Variants in MACROD2 observed in about 807,000 individuals in gnomAD.
MACROD2 encodes ADP-ribose glycohydrolase MACROD2.
MACROD2 carries 36 observed loss-of-function variants against 70.4 expected under a neutral mutation model. The ratio of observed to expected loss-of-function variants is 0.51; its 90% CI spans 0.39 to 0.68. The LOEUF is 0.68. Among genes scored for constraint, MACROD2 ranks in the 30% least tolerant of loss-of-function variants. MACROD2 has a pLI of 0.00. For missense variants in MACROD2, 496 were observed against 538.4 expected, an observed-to-expected ratio of 0.92 and a Z score of 0.78; for synonymous variants, 172 against 178.8, an observed-to-expected ratio of 0.96 and a Z score of 0.30.
At chr20:15,950,876 G>A (rs566931273) in intron 12 of MACROD2, among the ~76,000 whole-genome samples, 1 of 152,152 alleles carries the variant, frequency 6.6e-6, no homozygotes, top group African/African-American at 2.4e-5. Context: ...GGAGATGGAA[G>A]TATGGGGCGT....
chr20:15,383,395 C>G (rs1316860786), intron 6 of MACROD2, among the ~76,000 whole-genome samples: 1 of 152,166 alleles, frequency 6.6e-6, no homozygotes, highest in African/African-American at 2.4e-5. Context: ...GTTGAAGTTG[C>G]ATGACTCAAG....
chr20:15,913,961 C>G (rs6105489), intron 10 of MACROD2, among the ~76,000 whole-genome samples: 1 of 152,256 alleles, frequency 6.6e-6, no homozygotes, highest in Admixed American at 6.5e-5. Context: ...ATCATTTCTC[C>G]TAAGTGAAAT....
intron 7 of MACROD2, among the ~76,000 whole-genome samples, chr20:15,476,137 C>A (rs1198957811): frequency 6.6e-6 from 1 of 152,112 alleles, no homozygotes; most frequent in Non-Finnish European, 1.5e-5. Context: ...ACTGATTTGG[C>A]ACTTCACAAT....
chr20:15,876,251 C>T lies in MACROD2; in HGVS notation c.728-9513C>T, dbSNP rs562759146. 6.9e-4 allele frequency among the ~76,000 whole-genome samples: 105 copies of T among 151,960 alleles called. No homozygotes were observed. In the South Asian group the frequency reaches 0.014, roughly 21 times the overall value. On this transcript the variant is annotated intron_variant, in intron 9 of 17. Transcript: ENST00000684519. ...TTTACATTAAGTATATCTCCTAATG[C>T]TATCCTTCCCCCTGCCTCCCACCCA...
At chr20:15,149,758 G>A (rs1033398602) in intron 5 of MACROD2, among the ~76,000 whole-genome samples, 4 of 152,020 alleles carry the variant, frequency 2.6e-5, no homozygotes, top group African/African-American at 9.7e-5. Flanking sequence ...GGACAAAGAA[G>A]CTACAGGACG....
At chr20:16,020,313 TC>T (rs1196613139) in intron 15 of MACROD2, among the ~76,000 whole-genome samples, 2 of 152,040 alleles carry the variant, frequency 1.3e-5, no homozygotes, top group African/African-American at 4.8e-5. Context: ...CTTCCCATGG[TC>T]CTTTGCTCCT....
chr20:14,588,928 T>C (rs574460649), intron 4 of MACROD2, among the ~76,000 whole-genome samples: 1 of 152,228 alleles, frequency 6.6e-6, no homozygotes, highest in Non-Finnish European at 1.5e-5. Flanking sequence ...AACCAATAAT[T>C]ATTAGACATT....
At chr20:15,488,795 T>G (rs1486703018) in intron 7 of MACROD2, among the ~76,000 whole-genome samples, 1 of 152,162 alleles carries the variant, frequency 6.6e-6, no homozygotes, top group African/African-American at 2.4e-5. Context: ...AATGTTCTTT[T>G]AAAAAAGAAT....
In MACROD2 at chr20:14,687,946, T is replaced by C. The variant is rs186863342; in HGVS notation, c.418+2987T>C. The stretch of plus-strand genomic sequence containing the variant: ...CACAGTACTTTCACAAGCCCTTATA[T>C]TTAAAATTATGTTTGATAAACATTG... On this transcript the variant is annotated intron_variant, in intron 5 of 17. Coordinates refer to ENST00000684519, the MANE Select transcript of MACROD2 (RefSeq NM_001351661.2). Among the ~76,000 whole-genome samples, 9 of 152,332 alleles carry C rather than the reference T, an allele frequency of 5.9e-5. No individual in the cohort carries two copies. In the South Asian group the frequency reaches 1.2e-3, roughly 21 times the overall value.
At chr20:14,296,527 G>A (rs546629395) in intron 3 of MACROD2, among the ~76,000 whole-genome samples, 7 of 152,098 alleles carry the variant, frequency 4.6e-5, no homozygotes, top group South Asian at 2.1e-4. Context: ...TAATGTTTGC[G>A]TGAAAGAAGC....
chr20:15,474,089 A>C (rs1255793046), intron 7 of MACROD2, among the ~76,000 whole-genome samples: 2 of 152,196 alleles, frequency 1.3e-5, no homozygotes, highest in African/African-American at 4.8e-5. Flanking sequence ...GTCTAATCTG[A>C]AATAGTATCA....
Position 14,116,346 on chromosome 20 carries a change from G to A in MACROD2, c.271+30618G>A, listed in dbSNP as rs899627510. Among the ~76,000 whole-genome samples the A allele has an allele frequency of 6.6e-5, 10 of 152,154 alleles. 1 individual carries two copies. Among genetic ancestry groups the A allele is most frequent in the Non-Finnish European group, 1.5e-4 (10 of 68,034 alleles). On this transcript the variant is annotated intron_variant, in intron 3 of 17. Coordinates refer to ENST00000684519, the MANE Select transcript of MACROD2 (RefSeq NM_001351661.2). The stretch of plus-strand genomic sequence containing the variant: ...GGCAGAGACTGCGTTATCCGTTTAC[G>A]TATCTCCAATGCTTTGTATCATGTC...
chr20:14,895,689 A>G (rs2073819511), intron 5 of MACROD2: 1 of 152,178 alleles, frequency 6.6e-6, no homozygotes, highest in African/African-American at 2.4e-5. Flanking sequence ...TGTTTTATTA[A>G]TTAATATTTC....
intron 3 of MACROD2, among the ~76,000 whole-genome samples, chr20:14,225,067 A>T (rs993795557): frequency 6.6e-6 from 1 of 152,208 alleles, no homozygotes. Context: ...TGTAGGTCAG[A>T]TGGGTGTTCA....
intron 3 of MACROD2, among the ~76,000 whole-genome samples, chr20:14,423,599 C>T (rs1377702843): frequency 1.3e-5 from 2 of 148,780 alleles, no homozygotes; most frequent in African/African-American, 2.5e-5. Flanking sequence ...ACTCGGGAGG[C>T]TGAGGCAGGA....
intron 5 of MACROD2, among the ~76,000 whole-genome samples, chr20:15,026,766 G>T (rs1229836292): frequency 2.0e-5 from 3 of 152,068 alleles, no homozygotes; most frequent in African/African-American, 7.2e-5. Flanking sequence ...AATTGCATGG[G>T]CCTGACCAAT....
At chr20:15,968,832 TATATATAC>T (rs1297205369) in intron 13 of MACROD2, among the ~76,000 whole-genome samples, 4 of 104,334 alleles carry the variant, frequency 3.8e-5, no homozygotes, top group Non-Finnish European at 4.3e-5. Context: ...TATATATATA[TATATATAC>T]ACACATATAC....
intron 6 of MACROD2, among the ~76,000 whole-genome samples, chr20:15,250,115 C>CAT (rs1288102393): frequency 1.3e-5 from 2 of 152,226 alleles, no homozygotes; most frequent in Non-Finnish European, 2.9e-5. Flanking sequence ...CCAGGAAGGT[C>CAT]ATCATGCCTT....
intron 2 of MACROD2, among the ~76,000 whole-genome samples, chr20:14,037,544 C>G (rs186506397): frequency 1.2e-3 from 186 of 152,230 alleles, no homozygotes; most frequent in Admixed American, 2.2e-3. Context: ...TGATTGAAGA[C>G]TATGCATTTA....
Sources: allele counts gnomAD v4.1 joint callset (sites outside exome capture counted in the v4.1 genomes callset), GRCh38; gene constraint gnomAD v4.1.1; transcripts MANE v1.5; gene names NCBI Gene and HGNC (gene_info 2026-07-23, HGNC 2026-07-21).